The following CACNA1B variants were observed in gnomAD, a reference collection of about 807,000 sequenced individuals.
The protein encoded by CACNA1B is voltage-dependent N-type calcium channel subunit alpha-1B.
Under a neutral mutation model 247.2 loss-of-function variants are expected in CACNA1B, and 70 were observed. The observed-to-expected ratio is 0.28, with a 90% CI of 0.23 to 0.35. The LOEUF is 0.35. Among genes scored for constraint, CACNA1B ranks in the 10% least tolerant of loss-of-function variants. The pLI is 1.00. For missense variants in CACNA1B, 2,367 were observed against 3,197.4 expected, an observed-to-expected ratio of 0.74 and a Z score of 6.26; for synonymous variants, 1,231 against 1,294.4, an observed-to-expected ratio of 0.95 and a Z score of 1.05.
rs1197254499 is a variant in CACNA1B at position 138,117,926 on chromosome 9, G to A, written c.5778-20G>A. The A allele has an allele frequency of 3.2e-6, 5 of 1,550,666 alleles. No individual in the cohort carries two copies. Among genetic ancestry groups the A allele is most frequent in the Non-Finnish European group, 4.4e-6 (5 of 1,142,372 alleles). On this transcript the variant is annotated intron_variant, in intron 42 of 46. Transcript: ENST00000371372. Reference sequence around the variant, plus strand: ...GCAGTCTCTGACCCTACAGGAATCTGTTTGTCTTCTCTGCCACAGACAAAA... The same window carrying A: ...GCAGTCTCTGACCCTACAGGAATCTATTTGTCTTCTCTGCCACAGACAAAA...
chr9:137,895,562 T>G (rs1957163280), intron 3 of CACNA1B, among the ~76,000 whole-genome samples: 1 of 152,234 alleles, frequency 6.6e-6, no homozygotes, highest in African/African-American at 2.4e-5. Flanking sequence ...CCTGTACATG[T>G]TTTGTTACAT....
intron 12 of CACNA1B, among the ~76,000 whole-genome samples, chr9:137,977,708 A>G (rs2133372773): frequency 6.6e-6 from 1 of 152,258 alleles, no homozygotes; most frequent in South Asian, 2.1e-4. Flanking sequence ...ATGGGTGGGC[A>G]CGCCGCCCCC....
chr9:138,092,917 A>G (rs996349455), intron 36 of CACNA1B, among the ~76,000 whole-genome samples: 3 of 152,268 alleles, frequency 2.0e-5, no homozygotes, highest in Non-Finnish European at 4.4e-5. Context: ...CAACAGAGTG[A>G]CAAGACAACT....
chr9:137,883,052 T>C, intron 3 of CACNA1B, 169 bp downstream of exon 3: 2 of 703,872 alleles, frequency 2.8e-6, no homozygotes, highest in Non-Finnish European at 4.8e-6. Flanking sequence ...CCCTGTGTGC[T>C]ATGGGGGTGC....
At chr9:138,097,423 G>A (rs777878207) in intron 37 of CACNA1B, among the ~76,000 whole-genome samples, 10 of 152,134 alleles carry the variant, frequency 6.6e-5, no homozygotes, top group African/African-American at 2.4e-4. Flanking sequence ...AGGTCAGGCA[G>A]CATGGCTTCT....
Position 137,971,665 on chromosome 9 carries a change from C to G in CACNA1B, c.1543+73C>G, listed in dbSNP as rs1051445753. 1 of 1,319,230 alleles carries G rather than the reference C, an allele frequency of 7.6e-7. No individual in the cohort carries two copies. The highest frequency in any genetic ancestry group is 1.4e-5 in the African/African-American group (1 of 69,058). 81.7% of individuals were successfully genotyped at this position (1,319,230 alleles called of 1,614,324 possible). A position where few individuals can be genotyped will look rare whatever the true frequency, so the allele number is the denominator to read the frequency against. On this transcript the variant is annotated intron_variant, in intron 11 of 46. Coordinates refer to ENST00000371372, the MANE Select transcript of CACNA1B (RefSeq NM_000718.4). The surrounding 1 kb of genome is among the most constrained non-coding windows in gnomAD (Gnocchi z 4.4). The stretch of plus-strand genomic sequence containing the variant: ...CTCAGTCTGGAAACCCTGGTCCATG[C>G]CCTGGGGCTACCCCAGGTGGGACGG...
At chr9:138,115,284 G>A (rs1418155466) in intron 41 of CACNA1B, among the ~76,000 whole-genome samples, 2 of 152,198 alleles carry the variant, frequency 1.3e-5, no homozygotes, top group African/African-American at 4.8e-5. Flanking sequence ...GTTTTGAGAG[G>A]TGACATGGCT....
intron 31 of CACNA1B, among the ~76,000 whole-genome samples, chr9:138,064,699 G>T (rs555125608): frequency 1.3e-5 from 2 of 152,280 alleles, no homozygotes; most frequent in South Asian, 2.1e-4. Context: ...TTGAGGCCTC[G>T]CTGCCCACTG....
chr9:138,109,275 T>G (rs1192250729), intron 39 of CACNA1B, among the ~76,000 whole-genome samples: 1 of 152,218 alleles, frequency 6.6e-6, no homozygotes, highest in African/African-American at 2.4e-5. Flanking sequence ...CTGGAGAAAT[T>G]TAGACAATCC....
chr9:137,903,303 TTGAACCCAGGAGGTGGAGGTTGCAG>T (rs1957260601), intron 3 of CACNA1B, among the ~76,000 whole-genome samples: 1 of 152,150 alleles, frequency 6.6e-6, no homozygotes, highest in Non-Finnish European at 1.5e-5. Context: ...GGAGAATCAC[TTGAACCCAGGAGGTGGAGGTTGCAG>T]TGAGCCGAGA....
chr9:138,024,913 T>G, intron 19 of CACNA1B, 42 bp from the exon 20 acceptor site: 52 of 1,404,444 alleles, frequency 3.7e-5, no homozygotes, highest in Non-Finnish European at 4.7e-5. Flanking sequence ...ATCACAGGTG[T>G]GAGCCACTGC....
chr9:138,111,763 C>T (rs1961642179), intron 39 of CACNA1B, among the ~76,000 whole-genome samples: 1 of 152,174 alleles, frequency 6.6e-6, no homozygotes, highest in African/African-American at 2.4e-5. Context: ...CCGAGGCCTC[C>T]CTGGCCCTTC....
intron 39 of CACNA1B, among the ~76,000 whole-genome samples, chr9:138,107,241 T>A (rs1337109999): frequency 1.0e-5 from 1 of 98,290 alleles, no homozygotes; most frequent in Non-Finnish European, 2.0e-5. Flanking sequence ...TTTATTTATT[T>A]ATTTATTTAT....
chr9:138,092,358 T>C (rs933923683), intron 36 of CACNA1B, among the ~76,000 whole-genome samples: 1 of 152,228 alleles, frequency 6.6e-6, no homozygotes, highest in Admixed American at 6.5e-5. Context: ...AATGCATTCC[T>C]TTCCCAGGGT....
intron 10 of CACNA1B, among the ~76,000 whole-genome samples, chr9:137,962,314 T>C (rs1438419497): frequency 1.4e-5 from 1 of 71,630 alleles, no homozygotes; most frequent in Non-Finnish European, 2.4e-5. Context: ...ATTTTATTAA[T>C]TTTTTTTTTT....
At chr9:137,998,053 A>T (rs1245138118) in intron 15 of CACNA1B, among the ~76,000 whole-genome samples, 1 of 152,306 alleles carries the variant, frequency 6.6e-6, no homozygotes, top group East Asian at 1.9e-4. Context: ...TAAACGTATA[A>T]AAGCTTGCAC....
At chr9:137,967,311 A>G (rs543305295) in intron 10 of CACNA1B, among the ~76,000 whole-genome samples, 10 of 152,196 alleles carry the variant, frequency 6.6e-5, no homozygotes, top group Admixed American at 3.9e-4. Flanking sequence ...CCAGTAAGTC[A>G]CAGCCTTTCC....
At chr9:138,111,938 CTT>C (rs11326781) in intron 39 of CACNA1B, among the ~76,000 whole-genome samples, 138 of 146,728 alleles carry the variant, frequency 9.4e-4, no homozygotes, top group Middle Eastern at 3.5e-3. Context: ...CTCCGGTACA[CTT>C]TTTTTTTTTT....
intron 12 of CACNA1B, among the ~76,000 whole-genome samples, chr9:137,981,113 C>G (rs1319874470): frequency 6.6e-6 from 1 of 152,190 alleles, no homozygotes; most frequent in Non-Finnish European, 1.5e-5. Context: ...TACATTCCCA[C>G]CAACATCCCC....
Sources: gnomAD v4.1 joint callset for allele counts (sites outside exome capture counted in the v4.1 genomes callset) on GRCh38, gnomAD v4.1.1 for gene constraint, Gnocchi (gnomAD v3.1) non-coding constraint, MANE v1.5 for transcripts, NCBI Gene and HGNC (gene_info 2026-07-23, HGNC 2026-07-21) for gene names.